MAP4K5: variants seen among roughly 807,000 people sequenced by gnomAD.
MAP4K5 encodes MAPK/ERK kinase kinase kinase 5.
MAP4K5 carries 82 observed loss-of-function variants against 135.6 expected under a neutral mutation model. The observed-to-expected ratio is 0.60, with a 90% confidence interval of 0.51 to 0.73. The LOEUF (loss-of-function observed/expected upper bound fraction) is 0.73. MAP4K5 is among the 30% of genes least tolerant of loss of function. The probability of loss-of-function intolerance (pLI) is 0.00; values close to 1 mark genes in which losing one functional copy is unlikely to be tolerated. For synonymous variants in MAP4K5, 347 were observed against 335.0 expected, an observed-to-expected ratio of 1.04 and a Z score of -0.39; for missense variants, 907 against 1,010.9, an observed-to-expected ratio of 0.90 and a Z score of 1.39.
chr14:50,441,558 G>A (rs1407283584), intron 21 of MAP4K5, among the ~76,000 whole-genome samples: 1 of 151,918 alleles, frequency 6.6e-6, no homozygotes, highest in Non-Finnish European at 1.5e-5. Flanking sequence ...TACACTAAAA[G>A]AGACTAAATA....
chr14:50,510,870 C>A (rs1231517394), intron 2 of MAP4K5, among the ~76,000 whole-genome samples: 2 of 152,106 alleles, frequency 1.3e-5, no homozygotes, highest in Admixed American at 1.3e-4. Context: ...ATGGACAGAA[C>A]ACAAACCTTG....
At chr14:50,523,543 A>T (rs2038195074) in intron 2 of MAP4K5, among the ~76,000 whole-genome samples, 1 of 152,056 alleles carries the variant, frequency 6.6e-6, no homozygotes, top group Non-Finnish European at 1.5e-5. Context: ...GTCTGTTCAA[A>T]TCTAACCTTT....
At chr14:50,479,281 C>T (rs2037182897) in intron 6 of MAP4K5, among the ~76,000 whole-genome samples, 1 of 151,750 alleles carries the variant, frequency 6.6e-6, no homozygotes, top group Non-Finnish European at 1.5e-5. Context: ...TGTCCTACAG[C>T]TTAATGATAC....
chr14:50,534,816 G>A (rs1474817308), upstream of MAP4K5, among the ~76,000 whole-genome samples: 1 of 152,210 alleles, frequency 6.6e-6, no homozygotes, highest in Non-Finnish European at 1.5e-5. Flanking sequence ...TACTGGTTGA[G>A]TTAATTTTAA....
chr14:50,421,481 C>T (rs1238621577), intron 32 of MAP4K5, among the ~76,000 whole-genome samples: 4 of 151,646 alleles, frequency 2.6e-5, no homozygotes, highest in African/African-American at 4.8e-5. Context: ...AGGCTGGTTT[C>T]GAACTCCTGG....
intron 2 of MAP4K5, among the ~76,000 whole-genome samples, chr14:50,523,202 T>C (rs2038187614): frequency 6.6e-6 from 1 of 152,020 alleles, no homozygotes; most frequent in Admixed American, 6.5e-5. Context: ...TCCCAGCTAC[T>C]AGGGAGGCTG....
intron 14 of MAP4K5, chr14:50,449,941 TTGTTG>T (rs1416454054): frequency 1.3e-4 from 13 of 99,734 alleles, no homozygotes; most frequent in Non-Finnish European, 3.1e-4. Flanking sequence ...TACTTTTTTG[TTGTTG>T]TTGTTGTTGT....
intron 3 of MAP4K5, among the ~76,000 whole-genome samples, chr14:50,501,621 T>C (rs1279353187): frequency 6.6e-6 from 1 of 152,138 alleles, no homozygotes; most frequent in Non-Finnish European, 1.5e-5. Flanking sequence ...GGCCCAAGTA[T>C]ACCAGTTCTA....
chr14:50,513,289 C>G (rs1566688057), intron 2 of MAP4K5, among the ~76,000 whole-genome samples: 1 of 152,130 alleles, frequency 6.6e-6, no homozygotes, highest in Non-Finnish European at 1.5e-5. Context: ...GCCCTCCAGT[C>G]TTCAATCTTA....
intron 2 of MAP4K5, among the ~76,000 whole-genome samples, chr14:50,517,156 T>A (rs891812518): frequency 1.3e-5 from 2 of 151,656 alleles, no homozygotes; most frequent in Non-Finnish European, 2.9e-5. Context: ...ACAATACTTT[T>A]TTTTTTTTTT....
intron 16 of MAP4K5, among the ~76,000 whole-genome samples, chr14:50,446,978 A>C (rs1341443413): frequency 6.6e-6 from 1 of 152,106 alleles, no homozygotes; most frequent in Non-Finnish European, 1.5e-5. Context: ...TAGTTTGTTA[A>C]CTCCAAATGT....
chr14:50,528,693 C>G (rs1407823644), intron 2 of MAP4K5, among the ~76,000 whole-genome samples: 1 of 152,108 alleles, frequency 6.6e-6, no homozygotes, highest in Non-Finnish European at 1.5e-5. Flanking sequence ...TGGACTCCAG[C>G]CTAAAGCACA....
intron 6 of MAP4K5, 44 bp from the exon 7 acceptor site, chr14:50,476,350 G>C (rs985316210): frequency 1.0e-6 from 1 of 992,726 alleles, no homozygotes; most frequent in Non-Finnish European, 1.4e-6. Context: ...CAGCAAAACT[G>C]TAAATGTGAC....
At chr14:50,535,848 C>T (rs1466917562), upstream of MAP4K5, among the ~76,000 whole-genome samples, 1 of 152,120 alleles carries the variant, frequency 6.6e-6, no homozygotes, top group Non-Finnish European at 1.5e-5. Flanking sequence ...TGAATTCCCA[C>T]GTGTTGTGGG....
chr14:50,506,548 G>A (rs74530812), intron 2 of MAP4K5, among the ~76,000 whole-genome samples: 6,250 of 152,078 alleles, frequency 0.041, 137 homozygotes, highest in East Asian at 0.069. Flanking sequence ...TTGTAGAGAC[G>A]GGTTTCGCCA....
At chr14:50,510,689 A>G (rs2037913084) in intron 2 of MAP4K5, among the ~76,000 whole-genome samples, 1 of 152,232 alleles carries the variant, frequency 6.6e-6, no homozygotes, top group Non-Finnish European at 1.5e-5. Flanking sequence ...AAATTATTTG[A>G]AAAAAATTAC....
intron 1 of MAP4K5, among the ~76,000 whole-genome samples, chr14:50,555,814 G>A (rs1292345198): frequency 2.0e-5 from 3 of 151,910 alleles, no homozygotes; most frequent in Non-Finnish European, 4.4e-5. Flanking sequence ...GTCATTTTTT[G>A]GTTAAGCCAT....
chr14:50,494,546 A>T (rs961633970), intron 3 of MAP4K5, among the ~76,000 whole-genome samples: 3 of 150,728 alleles, frequency 2.0e-5, no homozygotes, highest in Admixed American at 6.6e-5. Context: ...TTCTGGTAAC[A>T]TTTTTTTTTG....
intron 21 of MAP4K5, among the ~76,000 whole-genome samples, 171 bp from the exon 22 acceptor site, chr14:50,440,612 CTTAT>C (rs1480003377): frequency 2.0e-5 from 3 of 151,982 alleles, no homozygotes; most frequent in African/African-American, 7.2e-5. Context: ...CAATTCCTTT[CTTAT>C]TTTTTAAAAG....
Sources: allele counts gnomAD v4.1 joint callset (sites outside exome capture counted in the v4.1 genomes callset), GRCh38; gene constraint gnomAD v4.1.1; transcripts MANE v1.5; gene names NCBI Gene and HGNC (gene_info 2026-07-23, HGNC 2026-07-21).